PLEKHH2: variants seen among roughly 807,000 people sequenced by gnomAD.
The protein encoded by PLEKHH2 is pleckstrin homology, MyTH4 and FERM domain containing H2, also known as pleckstrin homology domain-containing family H member 2.
Under a neutral mutation model 187.9 loss-of-function variants are expected in PLEKHH2, and 129 were observed. That is an observed-to-expected ratio of 0.69 (90% CI 0.59 to 0.79). The LOEUF (loss-of-function observed/expected upper bound fraction) is 0.79. PLEKHH2 is among the 30% of genes least tolerant of loss of function. The probability of loss-of-function intolerance (pLI) is 0.00; values close to 1 mark genes in which losing one functional copy is unlikely to be tolerated. For synonymous variants in PLEKHH2, 686 were observed against 605.6 expected (o/e 1.13, Z -1.95); for missense variants, 2,076 against 1,751.2 (o/e 1.19, Z -3.31).
chr2:43,687,823 G>T (rs1383681338), intron 3 of PLEKHH2, among the ~76,000 whole-genome samples: 1 of 151,830 alleles, frequency 6.6e-6, no homozygotes, highest in Non-Finnish European at 1.5e-5. Context: ...TCAAGACAGG[G>T]TCTTCCTCTG....
chr2:43,713,327 C>G (rs921209761), intron 15 of PLEKHH2, among the ~76,000 whole-genome samples: 1 of 152,066 alleles, frequency 6.6e-6, no homozygotes, highest in Non-Finnish European at 1.5e-5. Context: ...ACTTTTGACT[C>G]TATCAAGATG....
intron 3 of PLEKHH2, chr2:43,681,707 A>G (rs1668200510): frequency 1.9e-6 from 1 of 526,120 alleles, no homozygotes; most frequent in African/African-American, 1.9e-5. Flanking sequence ...ACTGAGGGCC[A>G]GGCAAGGGAG....
At chr2:43,655,351 G>T (rs1218824641) in intron 2 of PLEKHH2, among the ~76,000 whole-genome samples, 4 of 152,116 alleles carry the variant, frequency 2.6e-5, no homozygotes, top group African/African-American at 9.7e-5. Flanking sequence ...GAAAGGTTAG[G>T]AAATCAAGAG....
chr2:43,745,181 C>T (rs183702687), intron 23 of PLEKHH2, among the ~76,000 whole-genome samples: 2 of 152,040 alleles, frequency 1.3e-5, no homozygotes, highest in African/African-American at 4.8e-5. Flanking sequence ...CCAGGCATGG[C>T]GGCGGGTGCC....
chr2:43,646,149 A>T (rs1324253711), intron 2 of PLEKHH2, among the ~76,000 whole-genome samples: 2 of 152,180 alleles, frequency 1.3e-5, no homozygotes, highest in African/African-American at 2.4e-5. Context: ...AATGTGCTTT[A>T]TTTATTGATA....
In PLEKHH2 at chr2:43,757,210, T is replaced by C. The variant is rs771639817; in HGVS notation, c.3887T>C (p.Ile1296Thr). 2 of 1,603,058 alleles carry C rather than the reference T, an allele frequency of 1.2e-6. No individual in the cohort carries two copies. The highest frequency in any genetic ancestry group is 1.1e-5 in the South Asian group (1 of 88,690). The change falls in exon 26 of 30, where the codon ATA becomes ACA. Residue 1296 changes from isoleucine (I) to threonine (T), a missense_variant. Ile to Thr is a moderately conservative substitution (Grantham distance 89). Transcript: ENST00000282406. ...CKVNQTLKQV[I>T]EKFYPKRYRD... ...GTGAATCAAACTCTAAAGCAAGTCA[T>C]AGAGAAATTTTATCCTAAAAGGTAT...
At chr2:43,649,232 A>T (rs1666351721) in intron 2 of PLEKHH2, among the ~76,000 whole-genome samples, 1 of 152,224 alleles carries the variant, frequency 6.6e-6, no homozygotes, top group Non-Finnish European at 1.5e-5. Context: ...GGAAGCTGAG[A>T]TTTAAGTAGT....
At chr2:43,729,498 A>G (rs1670933290) in intron 17 of PLEKHH2, 139 bp from the exon 18 acceptor site, 1 of 526,642 alleles carries the variant, frequency 1.9e-6, no homozygotes, top group African/African-American at 1.9e-5. Flanking sequence ...GTTTGAATAA[A>G]TGGCTTTTCA....
intron 29 of PLEKHH2, among the ~76,000 whole-genome samples, chr2:43,765,131 A>C (rs1672571887): frequency 6.6e-6 from 1 of 152,222 alleles, no homozygotes; most frequent in Admixed American, 6.5e-5. Context: ...CTTTATGATA[A>C]TTTGATAGAG....
intron 3 of PLEKHH2, among the ~76,000 whole-genome samples, chr2:43,687,779 A>G (rs1206011970): frequency 6.6e-6 from 1 of 151,732 alleles, no homozygotes; most frequent in Non-Finnish European, 1.5e-5. Flanking sequence ...GGCTGCCTGT[A>G]TATCTTCTTT....
At chr2:43,704,568 C>T (rs1669552919) in intron 9 of PLEKHH2, among the ~76,000 whole-genome samples, 1 of 145,998 alleles carries the variant, frequency 6.8e-6, no homozygotes, top group African/African-American at 2.5e-5. Flanking sequence ...GAGGTTGAGG[C>T]AGGAGGATGG....
chr2:43,698,108 C>G (rs901709235), intron 7 of PLEKHH2, among the ~76,000 whole-genome samples: 1 of 152,164 alleles, frequency 6.6e-6, no homozygotes, highest in African/African-American at 2.4e-5. Context: ...AACTTCCTTC[C>G]CCCAGAAGAG....
rs139124904 is a variant in PLEKHH2 at position 43,676,045 on chromosome 2, T to C, written c.124-2818T>C. 6.6e-4 allele frequency: 1,064 copies of C among 1,614,028 alleles called. 4 individuals are homozygous for C. Among genetic ancestry groups the C allele is most frequent in the Middle Eastern group, 2.8e-3 (17 of 6,060 alleles). On this transcript the variant is annotated intron_variant, in intron 2 of 29. Coordinates refer to ENST00000282406, the MANE Select transcript of PLEKHH2 (RefSeq NM_172069.4). Reference sequence around the variant, plus strand: ...GTAGAGCTCTGCTTTGTCACAGTGTTTGGTCCAGGTCTCTTTCAGTACAGC... The same window carrying C: ...GTAGAGCTCTGCTTTGTCACAGTGTCTGGTCCAGGTCTCTTTCAGTACAGC...
At chr2:43,733,628 G>C (rs2722955) in intron 19 of PLEKHH2, among the ~76,000 whole-genome samples, 1 of 152,088 alleles carries the variant, frequency 6.6e-6, no homozygotes, top group Non-Finnish European at 1.5e-5. Flanking sequence ...GATGGCTATA[G>C]AAAAAATCTT....
chr2:43,704,856 T>C (rs1311353216), intron 9 of PLEKHH2, among the ~76,000 whole-genome samples: 1 of 152,146 alleles, frequency 6.6e-6, no homozygotes, highest in African/African-American at 2.4e-5. Context: ...TGCTGATTTG[T>C]ATTTTAAAAT....
chr2:43,652,939 C>A (rs1325397631), intron 2 of PLEKHH2, among the ~76,000 whole-genome samples: 1 of 151,824 alleles, frequency 6.6e-6, no homozygotes, highest in East Asian at 1.9e-4. Context: ...CTTAGAAAAC[C>A]AAAAACATGG....
chr2:43,717,661 G>A (rs1360676816), intron 15 of PLEKHH2, among the ~76,000 whole-genome samples: 1 of 152,190 alleles, frequency 6.6e-6, no homozygotes, highest in African/African-American at 2.4e-5. Flanking sequence ...GAGACAGTGT[G>A]GCCAAGAGGC....
chr2:43,767,748 C>A lies in PLEKHH2; in HGVS notation c.*2150C>A, dbSNP rs1672672401. On this transcript the variant is annotated 3_prime_UTR_variant, in exon 30 of 30. Coordinates refer to ENST00000282406, the MANE Select transcript of PLEKHH2 (RefSeq NM_172069.4). The stretch of plus-strand genomic sequence containing the variant: ...AAGGCTTATCTTAAACTGTGTAGTA[C>A]CTTAGACTTGGCATTTATTTTTGAT... 6.6e-6 allele frequency: 1 copy of A among 152,658 alleles called. No homozygotes were observed. The highest frequency in any genetic ancestry group is 2.4e-5 in the African/African-American group (1 of 41,384). The allele number at this position is 152,658 out of a possible 1,614,324, so 9.5% of individuals were successfully genotyped here.
intron 14 of PLEKHH2, 44 bp downstream of exon 14, chr2:43,710,619 A>G (rs1267533794): frequency 2.2e-6 from 3 of 1,364,464 alleles, no homozygotes; most frequent in Non-Finnish European, 3.0e-6. Context: ...GTATCATGCC[A>G]GACTCAATTC....
Sources: allele counts gnomAD v4.1 joint callset (sites outside exome capture counted in the v4.1 genomes callset), GRCh38; gene constraint gnomAD v4.1.1; transcripts MANE v1.5; gene names NCBI Gene and HGNC (gene_info 2026-07-23, HGNC 2026-07-21).